Variants in RNF180 observed in about 807,000 individuals in gnomAD.
RNF180 encodes the protein ring finger protein 180.
A neutral mutation model predicts 59.2 loss-of-function variants in RNF180; 38 were observed. That is an observed-to-expected ratio of 0.64 (90% CI 0.50 to 0.84). RNF180 has a LOEUF of 0.84. Ranked by LOEUF, RNF180 falls within the 40% of genes least tolerant of loss-of-function variation. The probability of loss-of-function intolerance (pLI) is 0.00; values close to 1 mark genes in which losing one functional copy is unlikely to be tolerated. For synonymous variants in RNF180, 262 were observed against 240.3 expected (o/e 1.09, Z -0.84); for missense variants, 705 against 700.9 (o/e 1.01, Z -0.07).
intron 1 of RNF180, among the ~76,000 whole-genome samples, chr5:64,173,148 A>G (rs915642314): frequency 1.3e-5 from 2 of 152,342 alleles, no homozygotes; most frequent in Non-Finnish European, 2.9e-5. Context: ...TATATTAACC[A>G]TTTAATTAAG....
chr5:64,337,702 T>G (rs1028406036), intron 7 of RNF180, among the ~76,000 whole-genome samples: 1 of 128,822 alleles, frequency 7.8e-6, no homozygotes, highest in Non-Finnish European at 1.6e-5. Flanking sequence ...TTCCCCTTTC[T>G]GTGTCCATGT....
intron 5 of RNF180, among the ~76,000 whole-genome samples, chr5:64,256,948 T>A (rs1472705110): frequency 7.9e-5 from 12 of 152,202 alleles, no homozygotes; most frequent in Non-Finnish European, 1.8e-4. Flanking sequence ...CTAGGTATTT[T>A]ATTATCTTTG....
Position 64,201,081 on chromosome 5 carries a change from A to G in RNF180, c.135+139A>G, listed in dbSNP as rs1579988588. 4 of 644,378 alleles carry G rather than the reference A, an allele frequency of 6.2e-6. No individual in the cohort carries two copies. The East Asian group carries it at 1.1e-4, about 18-fold the overall frequency. 39.9% of individuals were successfully genotyped at this position (644,378 alleles called of 1,614,324 possible). A position where few individuals can be genotyped will look rare whatever the true frequency, so the allele number is the denominator to read the frequency against. On this transcript the variant is annotated intron_variant, in intron 2 of 7. Transcript: ENST00000389100. The stretch of plus-strand genomic sequence containing the variant: ...GTCATGACTCTTTGTCTCTCACCTT[A>G]TTTCACCTGACCCACTGAAAACATT...
intron 5 of RNF180, among the ~76,000 whole-genome samples, chr5:64,241,248 A>G (rs565249766): frequency 6.6e-6 from 1 of 152,272 alleles, no homozygotes; most frequent in Non-Finnish European, 1.5e-5. Flanking sequence ...CAAAGACACA[A>G]ATTCTAAATA....
At chr5:64,298,445 T>G (rs1367854613) in intron 5 of RNF180, among the ~76,000 whole-genome samples, 1 of 152,054 alleles carries the variant, frequency 6.6e-6, no homozygotes, top group African/African-American at 2.4e-5. Context: ...GTTTCAATTT[T>G]CTGCATATGG....
intron 1 of RNF180, chr5:64,166,165 C>T (rs749649459): frequency 6.6e-6 from 1 of 152,326 alleles, no homozygotes; most frequent in Non-Finnish European, 1.5e-5. Context: ...TTAACTTTCG[C>T]ACCTGAGGCT....
At chr5:64,298,077 T>C (rs1742977354) in intron 5 of RNF180, among the ~76,000 whole-genome samples, 2 of 152,066 alleles carry the variant, frequency 1.3e-5, no homozygotes, top group Admixed American at 1.3e-4. Flanking sequence ...CCATGTGTTC[T>C]CATGATGTAG....
At chr5:64,192,281 G>T (rs1751199059) in intron 1 of RNF180, among the ~76,000 whole-genome samples, 1 of 151,864 alleles carries the variant, frequency 6.6e-6, no homozygotes, top group Non-Finnish European at 1.5e-5. Context: ...TCTCACACCT[G>T]TTAGGATATT....
At chr5:64,357,358 T>C (rs1231677880) in intron 7 of RNF180, among the ~76,000 whole-genome samples, 1 of 151,868 alleles carries the variant, frequency 6.6e-6, no homozygotes, top group African/African-American at 2.4e-5. Flanking sequence ...AAAATTCTTA[T>C]GTAATATGAA....
chr5:64,313,550 C>T (rs995303766), intron 5 of RNF180, among the ~76,000 whole-genome samples: 2 of 152,102 alleles, frequency 1.3e-5, no homozygotes, highest in Non-Finnish European at 2.9e-5. Context: ...ATCCAGTCTA[C>T]TATTGATGGG....
intron 5 of RNF180, among the ~76,000 whole-genome samples, chr5:64,268,006 T>G (rs1744788615): frequency 6.6e-6 from 1 of 152,174 alleles, no homozygotes; most frequent in South Asian, 2.1e-4. Flanking sequence ...CTATCCAAGT[T>G]CATAGAACAC....
intron 5 of RNF180, among the ~76,000 whole-genome samples, chr5:64,324,643 A>G (rs1744541537): frequency 6.6e-6 from 1 of 152,232 alleles, no homozygotes; most frequent in Non-Finnish European, 1.5e-5. Flanking sequence ...AATTACTCTC[A>G]GTTTCTTTGC....
At chr5:64,248,449 G>GA (rs1743332863) in intron 5 of RNF180, among the ~76,000 whole-genome samples, 1 of 152,150 alleles carries the variant, frequency 6.6e-6, no homozygotes, top group Non-Finnish European at 1.5e-5. Flanking sequence ...CAAAGGCTTT[G>GA]AAAAGACACT....
chr5:64,212,034 A>G (rs1189055631), intron 2 of RNF180, 31 bp from the exon 3 acceptor site: 7 of 1,193,548 alleles, frequency 5.9e-6, no homozygotes, highest in Middle Eastern at 2.0e-4. Flanking sequence ...TGAACTGGTA[A>G]TTAGTAATAT....
chr5:64,264,819 A>G (rs541024571), intron 5 of RNF180, among the ~76,000 whole-genome samples: 13 of 152,316 alleles, frequency 8.5e-5, no homozygotes, highest in African/African-American at 2.9e-4. Flanking sequence ...GTCTTCCTCA[A>G]TGGTTGAACT....
chr5:64,284,308 TGAA>T (rs1742167103), intron 5 of RNF180, among the ~76,000 whole-genome samples: 1 of 152,210 alleles, frequency 6.6e-6, no homozygotes, highest in Admixed American at 6.5e-5. Flanking sequence ...ATGTTGACCT[TGAA>T]GAATCTGATG....
chr5:64,273,877 C>T (rs1741568749), intron 5 of RNF180, among the ~76,000 whole-genome samples: 1 of 151,912 alleles, frequency 6.6e-6, no homozygotes, highest in East Asian at 1.9e-4. Flanking sequence ...AGAGTCATAT[C>T]AGAGAGCAGC....
intron 7 of RNF180, among the ~76,000 whole-genome samples, chr5:64,340,989 ACACT>A (rs1307531969): frequency 4.6e-5 from 7 of 151,830 alleles, no homozygotes; most frequent in African/African-American, 1.7e-4. Context: ...TTTTGCACAC[ACACT>A]CACAATTTTT....
intron 7 of RNF180, among the ~76,000 whole-genome samples, chr5:64,340,996 C>A (rs1246094579): frequency 3.9e-5 from 6 of 152,088 alleles, no homozygotes; most frequent in Non-Finnish European, 8.8e-5. Flanking sequence ...CACACACTCA[C>A]AATTTTTAGT....
Sources: gnomAD v4.1 joint callset for allele counts (sites outside exome capture counted in the v4.1 genomes callset) on GRCh38, gnomAD v4.1.1 for gene constraint, MANE v1.5 for transcripts, NCBI Gene and HGNC (gene_info 2026-07-23, HGNC 2026-07-21) for gene names.